Variants in MEF2A observed in about 807,000 individuals in gnomAD.
The protein encoded by MEF2A is myocyte enhancer factor 2A, also known as myocyte-specific enhancer factor 2A.
A neutral mutation model predicts 55.8 loss-of-function variants in MEF2A; 28 were observed. The ratio of observed to expected loss-of-function variants is 0.50; its 90% CI spans 0.37 to 0.69. The LOEUF (loss-of-function observed/expected upper bound fraction) is 0.69, where lower values mean the gene tolerates loss of function less well. Ranked by LOEUF, MEF2A falls within the 30% of genes least tolerant of loss-of-function variation. MEF2A has a pLI of 0.00. For synonymous variants in MEF2A, 239 were observed against 227.1 expected, an observed-to-expected ratio of 1.05 and a Z score of -0.47; for missense variants, 528 against 626.2, an observed-to-expected ratio of 0.84 and a Z score of 1.67.
intron 7 of MEF2A, among the ~76,000 whole-genome samples, chr15:99,681,467 C>T (rs1205010280): frequency 6.6e-6 from 1 of 152,164 alleles, no homozygotes; most frequent in Non-Finnish European, 1.5e-5. Flanking sequence ...AAAGATAAAG[C>T]AGAAACCCAG....
chr15:99,648,050 C>G lies in MEF2A; in HGVS notation c.258+2286C>G, dbSNP rs552743576. Among the ~76,000 whole-genome samples, 16 of 152,274 alleles carry G rather than the reference C, an allele frequency of 1.1e-4. No homozygotes were observed. The South Asian group carries it at 3.1e-3, about 30-fold the overall frequency. On this transcript the variant is annotated intron_variant, in intron 4 of 11. Transcript: ENST00000557942. ...AGTGTAATGGCTTACGCTAATGCAT[C>G]TATACAGTTTGCTATGGTTCAAATT... is the stretch of plus-strand genomic sequence containing the variant.
At chr15:99,573,945 G>A (rs1426888546) in intron 1 of MEF2A, among the ~76,000 whole-genome samples, 1 of 152,164 alleles carries the variant, frequency 6.6e-6, no homozygotes, top group Non-Finnish European at 1.5e-5. Flanking sequence ...TATGGATTAC[G>A]AAGAGAAAGG....
At chr15:99,652,364 G>A (rs781289950) in intron 4 of MEF2A, among the ~76,000 whole-genome samples, 2 of 152,116 alleles carry the variant, frequency 1.3e-5, no homozygotes, top group African/African-American at 2.4e-5. Context: ...CTGATGTGAC[G>A]GGAGGCAGAG....
intron 4 of MEF2A, among the ~76,000 whole-genome samples, chr15:99,662,845 C>T (rs1006902406): frequency 2.6e-5 from 4 of 152,118 alleles, no homozygotes; most frequent in East Asian, 1.9e-4. Flanking sequence ...ACTACTTAGC[C>T]GGTGTTTATG....
chr15:99,571,646 G>A (rs888628845), intron 1 of MEF2A, among the ~76,000 whole-genome samples: 7 of 152,138 alleles, frequency 4.6e-5, no homozygotes, highest in African/African-American at 1.4e-4. Flanking sequence ...TCTTGAGTTT[G>A]ATATTCACTT....
chr15:99,604,227 CT>C (rs1974292430), intron 2 of MEF2A, among the ~76,000 whole-genome samples: 1 of 152,120 alleles, frequency 6.6e-6, no homozygotes, highest in African/African-American at 2.4e-5. Context: ...ACCACTATTT[CT>C]TCAAATATCC....
intron 2 of MEF2A, among the ~76,000 whole-genome samples, chr15:99,600,838 AGTTT>A (rs1411554690): frequency 6.6e-6 from 1 of 151,954 alleles, no homozygotes; most frequent in Non-Finnish European, 1.5e-5. Context: ...AAATCCTCTA[AGTTT>A]GTTCTTCTGT....
At chr15:99,582,069 A>C (rs1480887589) in intron 1 of MEF2A, among the ~76,000 whole-genome samples, 1 of 152,106 alleles carries the variant, frequency 6.6e-6, no homozygotes, top group Non-Finnish European at 1.5e-5. Context: ...TTTGTTCTTC[A>C]GGTAAAAGAA....
At chr15:99,637,694 G>C (rs1044700477) in intron 3 of MEF2A, among the ~76,000 whole-genome samples, 5 of 151,930 alleles carry the variant, frequency 3.3e-5, no homozygotes, top group African/African-American at 1.2e-4. Flanking sequence ...CCAGGATGGA[G>C]TGCAGTGGCA....
chr15:99,639,477 C>G (rs1315369730), intron 3 of MEF2A, among the ~76,000 whole-genome samples: 2 of 152,174 alleles, frequency 1.3e-5, no homozygotes, highest in East Asian at 3.8e-4. Flanking sequence ...ATCAATACTT[C>G]TATCAAAGAA....
chr15:99,675,659 T>C (rs2051843477), intron 7 of MEF2A, among the ~76,000 whole-genome samples: 1 of 152,220 alleles, frequency 6.6e-6, no homozygotes, highest in Admixed American at 6.5e-5. Context: ...TACTCTATCT[T>C]ACAACAGCAT....
chr15:99,657,461 C>G (rs573157710), intron 4 of MEF2A: 2 of 151,894 alleles, frequency 1.3e-5, no homozygotes, highest in African/African-American at 4.8e-5. Flanking sequence ...ACTAGATAAA[C>G]TGTAAAAACA....
At chr15:99,701,706 T>A (rs170522) in intron 8 of MEF2A, among the ~76,000 whole-genome samples, 97,999 of 152,172 alleles carry the variant, frequency 0.64, 35,365 homozygotes, top group Middle Eastern at 0.86. Context: ...TCAGAATAAA[T>A]AGTTTAAAAT....
At position 99,632,972 on chromosome 15, in the gene MEF2A, T is replaced by G; in HGVS notation, c.-142-6T>G. Reference sequence around the variant, plus strand: ...TTTAAATCTTCTAATTTGTGTTTTCTTTTAGATCTTGTAGAAAATTTCAGC... The same window carrying G: ...TTTAAATCTTCTAATTTGTGTTTTCGTTTAGATCTTGTAGAAAATTTCAGC... On this transcript the variant is annotated splice_polypyrimidine_tract_variant and splice_region_variant and intron_variant, in intron 2 of 11. Transcript: ENST00000557942. The G allele has an allele frequency of 1.7e-6, 1 of 586,270 alleles. No individual in the cohort carries two copies. The highest frequency in any genetic ancestry group is 3.0e-6 in the Non-Finnish European group (1 of 335,852). 36.3% of individuals were successfully genotyped at this position (586,270 alleles called of 1,614,324 possible).
In MEF2A at chr15:99,588,085, G is replaced by A. The variant is rs80224018; in HGVS notation, c.-224-10345G>A. On this transcript the variant is annotated intron_variant, in intron 1 of 11. Transcript: ENST00000557942. Reference sequence around the variant, plus strand: ...CTGTGGATGCTCTTTATAGGTTGAGGAAGTTGCCTTCTTTTTTAGTTTGCT... The same window carrying A: ...CTGTGGATGCTCTTTATAGGTTGAGAAAGTTGCCTTCTTTTTTAGTTTGCT... 1.7e-3 allele frequency among the ~76,000 whole-genome samples: 258 copies of A among 151,234 alleles called. 2 individuals carry two copies. Among genetic ancestry groups the A allele is most frequent in the African/African-American group, 6.0e-3 (243 of 40,676 alleles).
At chr15:99,704,729 C>T (rs1351492904) in intron 9 of MEF2A, among the ~76,000 whole-genome samples, 1 of 152,190 alleles carries the variant, frequency 6.6e-6, no homozygotes, top group Non-Finnish European at 1.5e-5. Context: ...CTATGTCATA[C>T]TGTATTCTTT....
chr15:99,677,059 T>G lies in MEF2A; in HGVS notation c.670+1601T>G, dbSNP rs939349340. ...TCACTTGATCCCAGGAGGCGGAGGT[T>G]GCAGTGAGCCGAGATCATGCCACTG... On this transcript the variant is annotated intron_variant, in intron 7 of 11. Transcript: ENST00000557942. Among the ~76,000 whole-genome samples the G allele has an allele frequency of 1.1e-4, 16 of 151,996 alleles. No homozygotes were observed. In the South Asian group the frequency reaches 1.2e-3, roughly 12 times the overall value.
chr15:99,650,791 T>G (rs1489352646), intron 4 of MEF2A, among the ~76,000 whole-genome samples: 4 of 152,206 alleles, frequency 2.6e-5, no homozygotes, highest in Admixed American at 2.0e-4. Context: ...CAATGTGTAG[T>G]GCCCTGACCA....
chr15:99,694,378 C>A (rs940609272), intron 8 of MEF2A, among the ~76,000 whole-genome samples: 4 of 152,128 alleles, frequency 2.6e-5, no homozygotes, highest in African/African-American at 9.7e-5. Flanking sequence ...AGAAGTATTC[C>A]AGATTTCAGA....
Sources: gnomAD v4.1 joint callset for allele counts (sites outside exome capture counted in the v4.1 genomes callset) on GRCh38, gnomAD v4.1.1 for gene constraint, MANE v1.5 for transcripts, NCBI Gene and HGNC (gene_info 2026-07-23, HGNC 2026-07-21) for gene names.